TRIB3: variants seen among roughly 807,000 people sequenced by gnomAD.
TRIB3 encodes the protein tribbles pseudokinase 3.
Under a neutral mutation model 16.6 loss-of-function variants are expected in TRIB3, and 20 were observed. The observed-to-expected ratio is 1.20, with a 90% CI of 0.85 to 1.75. TRIB3 has a LOEUF of 1.75. TRIB3 is among the 40% of genes most tolerant of loss of function. The pLI is 0.00. For missense variants in TRIB3, 484 were observed against 488.9 expected, an observed-to-expected ratio of 0.99 and a Z score of 0.10; for synonymous variants, 208 against 217.0, an observed-to-expected ratio of 0.96 and a Z score of 0.36.
In TRIB3 at chr20:381,129, G is replaced by C. The variant is rs1156504862; in HGVS notation, c.-41G>C. ...CCTGCTGGTGCCCTGGAGGCTCTGA[G>C]CCCCGGCGGCGCCCGGGCCCACGCG... is the stretch of plus-strand genomic sequence containing the variant. On this transcript the variant is annotated 5_prime_UTR_variant, in exon 1 of 4. Coordinates refer to ENST00000217233, the MANE Select transcript of TRIB3 (RefSeq NM_021158.5). 1 of 151,560 alleles carries C rather than the reference G, an allele frequency of 6.6e-6. No homozygotes were observed. The highest frequency in any genetic ancestry group is 2.4e-5 in the African/African-American group (1 of 41,318). The allele number at this position is 151,560 out of a possible 1,614,324, so 9.4% of individuals were successfully genotyped here.
intron 1 of TRIB3, among the ~76,000 whole-genome samples, chr20:384,251 G>GCT (rs1188215434): frequency 6.6e-6 from 1 of 152,166 alleles, no homozygotes; most frequent in Non-Finnish European, 1.5e-5. Context: ...TCCTTCAGTG[G>GCT]CTCCCCACTG....
At chr20:386,148 G>C (rs1015193259) in intron 1 of TRIB3, among the ~76,000 whole-genome samples, 4 of 152,076 alleles carry the variant, frequency 2.6e-5, no homozygotes, top group African/African-American at 9.7e-5. Flanking sequence ...ACAGGTGTGG[G>C]CCACTGCACC....
intron 2 of TRIB3, among the ~76,000 whole-genome samples, chr20:388,546 G>A (rs768389083): frequency 6.6e-6 from 1 of 152,140 alleles, no homozygotes; most frequent in Non-Finnish European, 1.5e-5. Context: ...TAGAACTTAG[G>A]GATCATGGGC....
At chr20:383,179 A>G (rs2014709389) in intron 1 of TRIB3, among the ~76,000 whole-genome samples, 1 of 152,128 alleles carries the variant, frequency 6.6e-6, no homozygotes, top group Non-Finnish European at 1.5e-5. Context: ...CCTTTCACTT[A>G]ACAGTTCACT....
At chr20:394,955 A>T (rs114717667) in intron 3 of TRIB3, among the ~76,000 whole-genome samples, 2,069 of 152,030 alleles carry the variant, frequency 0.014, 18 homozygotes, top group Admixed American at 0.016. Flanking sequence ...TCATCTGTAA[A>T]ATGGGCTAAT....
rs147263507 is a variant in TRIB3 at position 396,424 on chromosome 20, G to A, written c.811G>A (p.Gly271Ser). 8.7e-6 allele frequency: 14 copies of A among 1,612,810 alleles called. No individual in the cohort carries two copies. Among genetic ancestry groups the A allele is most frequent in the Admixed American group, 1.7e-5 (1 of 60,010 alleles). The change falls in exon 4 of 4, where the codon GGC (glycine) becomes AGC (serine). Residue 271 changes from glycine (G) to serine (S), a missense_variant. Transcript: ENST00000217233. The stretch of plus-strand genomic sequence containing the variant: ...GGACTCGGAGCCTGTCCTGCTCTTC[G>A]GCAAGATCCGCCGCGGGGCCTACGC... ...FQDSEPVLLF[G>S]KIRRGAYALP...
chr20:385,640 C>T (rs1568532712), intron 1 of TRIB3: 1 of 151,868 alleles, frequency 6.6e-6, no homozygotes, highest in Non-Finnish European at 1.5e-5. Flanking sequence ...TTGAAACAGG[C>T]CTCCAGATGA....
Position 396,495 on chromosome 20 carries a change from C to G in TRIB3, c.882C>G (p.Cys294Trp). The change falls in exon 4 of 4, where the codon TGC becomes TGG. Residue 294 changes from cysteine to tryptophan, a missense_variant. By Grantham distance (215) the Cys-to-Trp change is radical. Transcript: ENST00000217233. Reference sequence around the variant, plus strand: ...CCCCTGCCCGCTGTCTGGTTCGCTGCCTCCTTCGTCGGGAGCCAGCTGAAC... The same window carrying G: ...CCCCTGCCCGCTGTCTGGTTCGCTGGCTCCTTCGTCGGGAGCCAGCTGAAC... ...LSAPARCLVR[C>W]LLRREPAERL... 6.2e-7 allele frequency: 1 copy of G among 1,613,056 alleles called. No individual in the cohort carries two copies. The highest frequency in any genetic ancestry group is 8.5e-7 in the Non-Finnish European group (1 of 1,180,028).
intron 1 of TRIB3, chr20:382,336 G>A (rs2014684254): frequency 8.8e-6 from 5 of 568,116 alleles, no homozygotes; most frequent in Middle Eastern, 4.7e-4. Context: ...CTTATCCCAG[G>A]CCCCAACAGG....
At chr20:382,817 C>G (rs1416977703) in intron 1 of TRIB3, among the ~76,000 whole-genome samples, 14 of 152,196 alleles carry the variant, frequency 9.2e-5, no homozygotes, top group Non-Finnish European at 1.5e-5. Flanking sequence ...TACAGCCACT[C>G]CTTACTGCAT....
rs1491272731 is a variant in TRIB3 at position 380,973 on chromosome 20, CGG to C, written c.-193_-192del. 1 of 147,148 alleles carries C rather than the reference CGG, an allele frequency of 6.8e-6. No individual in the cohort carries two copies. The highest frequency in any genetic ancestry group is 1.5e-5 in the Non-Finnish European group (1 of 67,014). The allele number at this position is 147,148 out of a possible 1,614,324, so 9.1% of individuals were successfully genotyped here. On this transcript the variant is annotated 5_prime_UTR_variant, in exon 1 of 4. The change abolishes the stop of an existing upstream ORF in the 5' untranslated region. Coordinates refer to ENST00000217233, the MANE Select transcript of TRIB3 (RefSeq NM_021158.5). ...TAGCTCCGGTTTGCATCACCCGGACCGGGGGCCGGGCGCGCACGAGACTCGCA... is the reference window on the plus strand; with the variant it reads ...TAGCTCCGGTTTGCATCACCCGGACCGGGCCGGGCGCGCACGAGACTCGCA...
chr20:382,747 CA>C (rs1954076553), intron 1 of TRIB3: 4 of 707,224 alleles, frequency 5.7e-6, no homozygotes, highest in Non-Finnish European at 9.9e-6. Context: ...GGAACTTGAC[CA>C]GGGGTACCCC....
chr20:382,126 T>TGTGTGTGTGTGTGTGTGTGC (rs1374416475), intron 1 of TRIB3, among the ~76,000 whole-genome samples: 1 of 83,898 alleles, frequency 1.2e-5, no homozygotes, highest in Non-Finnish European at 2.8e-5. Flanking sequence ...TGTGTGTGTG[T>TGTGTGTGTGTGTGTGTGTGC]GCGTGCGCGC....
chr20:393,744 A>G (rs2015043147), intron 3 of TRIB3, among the ~76,000 whole-genome samples: 1 of 152,204 alleles, frequency 6.6e-6, no homozygotes, highest in Admixed American at 6.6e-5. Flanking sequence ...CAGAATCGAT[A>G]GGCCCCTCTC....
chr20:392,986 A>C (rs918894910), intron 3 of TRIB3, among the ~76,000 whole-genome samples: 1 of 152,186 alleles, frequency 6.6e-6, no homozygotes, highest in Non-Finnish European at 1.5e-5. Context: ...TGCCAGTTAC[A>C]CAGGAGTTTT....
At chr20:388,894 A>G (rs1023483572) in intron 2 of TRIB3, among the ~76,000 whole-genome samples, 2 of 152,104 alleles carry the variant, frequency 1.3e-5, no homozygotes, top group Non-Finnish European at 2.9e-5. Flanking sequence ...ACAGATAGGA[A>G]GACTGAGATG....
chr20:385,198 T>C (rs555810389), intron 1 of TRIB3, among the ~76,000 whole-genome samples: 53 of 152,268 alleles, frequency 3.5e-4, no homozygotes, highest in African/African-American at 1.1e-3. Flanking sequence ...CCGCAACCTT[T>C]GCCTCCTGGG....
At chr20:394,461 C>T (rs913445741) in intron 3 of TRIB3, among the ~76,000 whole-genome samples, 14 of 152,116 alleles carry the variant, frequency 9.2e-5, no homozygotes, top group Admixed American at 2.6e-4. Context: ...ACAACTACCC[C>T]GGACCTCCTG....
At chr20:390,067 C>T (rs1369422476) in intron 2 of TRIB3, among the ~76,000 whole-genome samples, 1 of 152,142 alleles carries the variant, frequency 6.6e-6, no homozygotes, top group Non-Finnish European at 1.5e-5. Context: ...TGGCTCACAC[C>T]TGTAATCCCA....
Sources: allele counts gnomAD v4.1 joint callset (sites outside exome capture counted in the v4.1 genomes callset), GRCh38; gene constraint gnomAD v4.1.1; transcripts MANE v1.5; gene names NCBI Gene and HGNC (gene_info 2026-07-23, HGNC 2026-07-21).